Variants in PUM2 observed in about 807,000 individuals in gnomAD.
PUM2 encodes pumilio homolog 2.
PUM2 carries 57 observed loss-of-function variants against 124.5 expected under a neutral mutation model. The observed-to-expected ratio is 0.46, with a 90% CI of 0.37 to 0.57. PUM2 has a LOEUF of 0.57. Among genes scored for constraint, PUM2 ranks in the 20% least tolerant of loss-of-function variants. PUM2 has a pLI of 0.00. For missense variants in PUM2, 1,065 were observed against 1,290.6 expected (o/e 0.83, Z 2.68); for synonymous variants, 460 against 446.1 (o/e 1.03, Z -0.39).
intron 10 of PUM2, among the ~76,000 whole-genome samples, chr2:20,283,764 G>A (rs1227219066): frequency 6.6e-6 from 1 of 151,960 alleles, no homozygotes; most frequent in Non-Finnish European, 1.5e-5. Context: ...AGGCTATGAA[G>A]GAAGGGCTGA....
At chr2:20,263,998 A>G (rs1365113892) in intron 13 of PUM2, among the ~76,000 whole-genome samples, 4 of 152,092 alleles carry the variant, frequency 2.6e-5, no homozygotes. Context: ...TTAGGTAATA[A>G]ATCTAAATTA....
chr2:20,308,451 T>G lies in PUM2; in HGVS notation c.652A>C (p.Asn218His). The G allele has an allele frequency of 6.2e-7, 1 of 1,614,162 alleles. No homozygotes were observed. The highest frequency in any genetic ancestry group is 8.5e-7 in the Non-Finnish European group (1 of 1,180,016). The change falls in exon 6 of 21, where the codon AAT becomes CAT. Residue 218 changes from asparagine to histidine, a missense_variant. Coordinates refer to ENST00000361078, the MANE Select transcript of PUM2 (RefSeq NM_015317.5). ...GCATCCAGATTCTGAGTTTCAGGAT[T>G]TGAAAATTCTTCAACAAGTGGTTTA... ...ANKPLVEEFS[N>H]PETQNLDAME...
chr2:20,351,621 C>T (rs1261530014), upstream of PUM2, among the ~76,000 whole-genome samples: 2 of 152,198 alleles, frequency 1.3e-5, no homozygotes, highest in Admixed American at 6.5e-5. Flanking sequence ...CTGTCCTGGA[C>T]CCCCATGCAA....
chr2:20,271,099 T>C (rs1272858365), intron 13 of PUM2, among the ~76,000 whole-genome samples: 1 of 152,030 alleles, frequency 6.6e-6, no homozygotes, highest in Non-Finnish European at 1.5e-5. Context: ...AAGGATGTTT[T>C]TTTCTCCTAG....
intron 10 of PUM2, among the ~76,000 whole-genome samples, chr2:20,285,753 C>T (rs1672574655): frequency 6.6e-6 from 1 of 151,972 alleles, no homozygotes; most frequent in Non-Finnish European, 1.5e-5. Flanking sequence ...TTTTCTGCTT[C>T]AAGTGAGATA....
intron 13 of PUM2, among the ~76,000 whole-genome samples, chr2:20,271,510 C>T (rs1201314975): frequency 3.3e-5 from 5 of 152,018 alleles, no homozygotes; most frequent in East Asian, 1.9e-4. Context: ...GACGGGGTTT[C>T]GCCACATTGC....
chr2:20,344,805 AC>A (rs1687904257), intron 1 of PUM2, among the ~76,000 whole-genome samples: 1 of 151,456 alleles, frequency 6.6e-6, no homozygotes, highest in Non-Finnish European at 1.5e-5. Flanking sequence ...ACATGGTGAA[AC>A]CCCGTCTCTA....
intron 1 of PUM2, among the ~76,000 whole-genome samples, chr2:20,348,257 C>T (rs1022215610): frequency 1.3e-5 from 2 of 152,076 alleles, no homozygotes; most frequent in African/African-American, 4.8e-5. Flanking sequence ...TAATTTTTAT[C>T]TTAATCACAC....
rs58072146 is a variant in PUM2 at position 20,257,043 on chromosome 2, C to CAAAAA, written c.2485-878_2485-874dup. On this transcript the variant is annotated intron_variant, in intron 16 of 20. Transcript: ENST00000361078. The stretch of plus-strand genomic sequence containing the variant: ...TGGGCGACACAGCAAGATTCCGTCT[C>CAAAAA]AAAAAAAAAAAAAAAAAAAAAAAAA... Among the ~76,000 whole-genome samples the CAAAAA allele has an allele frequency of 4.6e-3, 329 of 71,768 alleles. 2 individuals are homozygous for CAAAAA. Among genetic ancestry groups the CAAAAA allele is most frequent in the East Asian group, 5.9e-3 (12 of 2,028 alleles). The allele number at this position is 71,768 out of a possible 152,430, so 47.1% of individuals were successfully genotyped here.
Position 20,342,001 on chromosome 2 carries a change from C to T in PUM2, c.-19+8596G>A, listed in dbSNP as rs543427577. ...AAAATTAGCCAGGTGTGGTGGCAGG[C>T]GCCTGTGATCCCAGCTACTAGGGAG... is the stretch of plus-strand genomic sequence containing the variant. On this transcript the variant is annotated intron_variant, in intron 1 of 20. Transcript: ENST00000361078. Among the ~76,000 whole-genome samples the T allele has an allele frequency of 4.0e-5, 6 of 151,746 alleles. 1 individual carries two copies. The Middle Eastern group carries it at 0.01, about 258-fold the overall frequency.
At chr2:20,336,198 T>G (rs181517801) in intron 1 of PUM2, among the ~76,000 whole-genome samples, 38 of 104,564 alleles carry the variant, frequency 3.6e-4, no homozygotes, top group African/African-American at 9.5e-4. Flanking sequence ...TTTTTGTTTG[T>G]TTTTTTTTGA....
At chr2:20,291,515 C>T (rs1169072552) in intron 9 of PUM2, among the ~76,000 whole-genome samples, 1 of 152,210 alleles carries the variant, frequency 6.6e-6, no homozygotes, top group Non-Finnish European at 1.5e-5. Context: ...GAATGTTGAA[C>T]AAGTCAAGTC....
intron 2 of PUM2, among the ~76,000 whole-genome samples, chr2:20,321,386 T>C (rs1415571445): frequency 6.6e-6 from 1 of 152,216 alleles, no homozygotes. Flanking sequence ...GTGTCTACTA[T>C]GGCCAAGCAC....
At chr2:20,272,880 C>T (rs1669361082) in intron 13 of PUM2, among the ~76,000 whole-genome samples, 1 of 152,126 alleles carries the variant, frequency 6.6e-6, no homozygotes, top group Non-Finnish European at 1.5e-5. Context: ...TCTGCTGGAT[C>T]CATTCCTAGA....
intron 20 of PUM2, among the ~76,000 whole-genome samples, chr2:20,253,284 T>C (rs1023408801): frequency 3.3e-5 from 5 of 152,162 alleles, no homozygotes; most frequent in African/African-American, 1.2e-4. Context: ...CAGCCCACTG[T>C]AGCCTCAACC....
rs145696602 is a variant in PUM2 at position 20,275,959 on chromosome 2, T to C, written c.1957+2624A>G. Among the ~76,000 whole-genome samples the C allele has an allele frequency of 4.4e-3, 667 of 152,146 alleles. 4 individuals are homozygous for C. The highest frequency in any genetic ancestry group is 0.015 in the African/African-American group (629 of 41,532). On this transcript the variant is annotated intron_variant, in intron 13 of 20. Transcript: ENST00000361078. ...AAGACATTTAAGTCAATTAGGGAGATTAGAGTTAATAATAAATTATTTTAA... is the reference window on the plus strand; with the variant it reads ...AAGACATTTAAGTCAATTAGGGAGACTAGAGTTAATAATAAATTATTTTAA...
chr2:20,332,244 T>C (rs1409747604), intron 1 of PUM2, among the ~76,000 whole-genome samples: 1 of 151,538 alleles, frequency 6.6e-6, no homozygotes, highest in African/African-American at 2.4e-5. Context: ...AGTTAAGCAT[T>C]AGGGCTTTGC....
chr2:20,255,341 C>T lies in PUM2; in HGVS notation c.2623G>A (p.Val875Ile). ...QFIIDAFKGQ[V>I]FVLSTHPYGC... is the part of the protein sequence containing the mutation. ...TAAGGATGAGTTGAAAGCACAAATA[C>T]CTGAGGACAATTAGAAGAATTAAAA... Residue 875 changes from valine (V) to isoleucine (I), a missense_variant and splice_region_variant, in exon 18 of 21, where the codon GTA (valine) becomes ATA (isoleucine). Val to Ile is a conservative substitution (Grantham distance 29, BLOSUM62 3). Coordinates refer to ENST00000361078, the MANE Select transcript of PUM2 (RefSeq NM_015317.5). 6.2e-7 allele frequency: 1 copy of T among 1,610,746 alleles called. No individual in the cohort carries two copies. The highest frequency in any genetic ancestry group is 8.5e-7 in the Non-Finnish European group (1 of 1,178,640).
intron 3 of PUM2, among the ~76,000 whole-genome samples, chr2:20,313,167 G>A (rs1256172897): frequency 6.6e-6 from 1 of 152,112 alleles, no homozygotes; most frequent in Non-Finnish European, 1.5e-5. Context: ...AGGACTTCAT[G>A]ACTAAAACAC....
Sources: allele counts gnomAD v4.1 joint callset (sites outside exome capture counted in the v4.1 genomes callset), GRCh38; gene constraint gnomAD v4.1.1; transcripts MANE v1.5; gene names NCBI Gene and HGNC (gene_info 2026-07-23, HGNC 2026-07-21).